Variants in FSTL5 observed in about 807,000 individuals in gnomAD.
FSTL5 encodes follistatin-related protein 5.
Under a neutral mutation model 89.1 loss-of-function variants are expected in FSTL5, and 62 were observed. The ratio of observed to expected loss-of-function variants is 0.70; its 90% CI spans 0.57 to 0.86. The LOEUF (loss-of-function observed/expected upper bound fraction) is 0.86. Among genes scored for constraint, FSTL5 ranks in the 40% least tolerant of loss-of-function variants. The pLI is 0.00. For synonymous variants in FSTL5, 383 were observed against 346.2 expected (o/e 1.11, Z -1.18); for missense variants, 1,057 against 1,001.6 (o/e 1.06, Z -0.75).
At position 161,472,125 on chromosome 4, in the gene FSTL5, G is replaced by C. The variant is rs569594285; in HGVS notation, c.1608+8895C>G. Among the ~76,000 whole-genome samples, 22 of 151,816 alleles carry C rather than the reference G, an allele frequency of 1.4e-4. No individual in the cohort carries two copies. The South Asian group carries it at 3.3e-3, about 23-fold the overall frequency. On this transcript the variant is annotated intron_variant, in intron 13 of 15. Coordinates refer to ENST00000306100, the MANE Select transcript of FSTL5 (RefSeq NM_020116.5). The stretch of plus-strand genomic sequence containing the variant: ...CAGAGTAGCTGGGACTACAGGTGCT[G>C]GCCACCACGCCCGGCTAATTTTTTT...
intron 8 of FSTL5, among the ~76,000 whole-genome samples, chr4:161,585,040 C>T (rs1473475995): frequency 1.3e-5 from 2 of 152,082 alleles, no homozygotes; most frequent in Admixed American, 1.3e-4. Context: ...TTTCTGAGAC[C>T]TCATTATTTC....
intron 15 of FSTL5, among the ~76,000 whole-genome samples, chr4:161,397,286 A>G (rs972709088): frequency 6.6e-6 from 1 of 152,014 alleles, no homozygotes; most frequent in African/African-American, 2.4e-5. Context: ...GCACATACAT[A>G]CTACACTCCA....
intron 6 of FSTL5, among the ~76,000 whole-genome samples, chr4:161,669,404 T>A (rs1269677783): frequency 6.6e-6 from 1 of 152,010 alleles, no homozygotes; most frequent in African/African-American, 2.4e-5. Flanking sequence ...GCTACAAAGC[T>A]ACAATAATCA....
chr4:161,472,829 AT>A (rs1327130274), intron 13 of FSTL5, among the ~76,000 whole-genome samples: 2 of 151,952 alleles, frequency 1.3e-5, no homozygotes, highest in African/African-American at 4.8e-5. Context: ...GGTTCAAGCA[AT>A]TCTCCTGCCT....
intron 7 of FSTL5, among the ~76,000 whole-genome samples, chr4:161,604,758 C>A (rs1350175531): frequency 2.6e-5 from 4 of 152,102 alleles, no homozygotes; most frequent in East Asian, 3.9e-4. Context: ...CTGTAAACTG[C>A]TTTTTATCAA....
chr4:161,526,661 A>C (rs984500751), intron 10 of FSTL5, among the ~76,000 whole-genome samples: 1 of 152,194 alleles, frequency 6.6e-6, no homozygotes, highest in Admixed American at 6.5e-5. Context: ...AGCTTTCTAC[A>C]TATGGCTAGC....
intron 14 of FSTL5, 126 bp downstream of exon 14, chr4:161,459,086 C>T (rs113750744): frequency 7.8e-6 from 5 of 642,704 alleles, no homozygotes; most frequent in Non-Finnish European, 1.3e-5. Context: ...CTGTGCCTAT[C>T]TAGTTATGAT....
intron 15 of FSTL5, among the ~76,000 whole-genome samples, chr4:161,429,071 C>T (rs571631040): frequency 1.3e-5 from 2 of 152,024 alleles, no homozygotes; most frequent in Admixed American, 6.6e-5. Flanking sequence ...TTGAGTGTAG[C>T]CAGGCAGTGC....
intron 6 of FSTL5, among the ~76,000 whole-genome samples, chr4:161,730,982 A>G (rs72977137): frequency 0.024 from 3,682 of 152,310 alleles, 105 homozygotes; most frequent in South Asian, 0.061. Context: ...ATAAATATAA[A>G]TCTATAAATT....
intron 2 of FSTL5, among the ~76,000 whole-genome samples, chr4:162,047,097 C>T (rs932508736): frequency 6.6e-6 from 1 of 151,978 alleles, no homozygotes; most frequent in African/African-American, 2.4e-5. Flanking sequence ...CCCAGGTAAG[C>T]CCAAACTAAC....
intron 6 of FSTL5, among the ~76,000 whole-genome samples, chr4:161,757,309 G>C (rs899939663): frequency 6.6e-6 from 1 of 151,806 alleles, no homozygotes; most frequent in African/African-American, 2.4e-5. Context: ...TGTAGGCTTT[G>C]TAAATAACAC....
chr4:162,095,295 G>T (rs1730707218), intron 2 of FSTL5, among the ~76,000 whole-genome samples: 1 of 152,062 alleles, frequency 6.6e-6, no homozygotes, highest in Non-Finnish European at 1.5e-5. Context: ...ATATAAGAAG[G>T]TGTTCAAAAA....
At chr4:161,462,544 A>T (rs1733617639) in intron 13 of FSTL5, among the ~76,000 whole-genome samples, 1 of 152,210 alleles carries the variant, frequency 6.6e-6, no homozygotes, top group Admixed American at 6.5e-5. Context: ...CAATAATAAT[A>T]GTACCTTGGG....
rs576017075 is a variant in FSTL5 at position 161,910,494 on chromosome 4, C to T, written c.409+9910G>A. Among the ~76,000 whole-genome samples, 5 of 152,250 alleles carry T rather than the reference C, an allele frequency of 3.3e-5. No individual in the cohort carries two copies. The South Asian group carries it at 6.2e-4, about 19-fold the overall frequency. On this transcript the variant is annotated intron_variant, in intron 4 of 15. Transcript: ENST00000306100. ...ATCACTATATACCTGTATATATACT[C>T]TCCTTGCATACATTAACAAGGAGAT... is the stretch of plus-strand genomic sequence containing the variant.
intron 15 of FSTL5, among the ~76,000 whole-genome samples, chr4:161,393,219 C>T (rs186578878): frequency 1.6e-4 from 24 of 151,616 alleles, no homozygotes; most frequent in East Asian, 1.9e-4. Context: ...AAAAATATTA[C>T]CAATGTGTTC....
chr4:161,737,580 A>G (rs1195845464), intron 6 of FSTL5, among the ~76,000 whole-genome samples: 1 of 152,082 alleles, frequency 6.6e-6, no homozygotes, highest in Non-Finnish European at 1.5e-5. Context: ...CCAGTTGAGC[A>G]CAAGTATGAA....
At chr4:162,005,461 G>T (rs913340828) in intron 3 of FSTL5, among the ~76,000 whole-genome samples, 1 of 152,070 alleles carries the variant, frequency 6.6e-6, no homozygotes, top group Non-Finnish European at 1.5e-5. Context: ...ATAGATGGTG[G>T]TAAAGAAAAC....
intron 2 of FSTL5, among the ~76,000 whole-genome samples, chr4:162,043,764 T>C (rs1007724861): frequency 6.6e-6 from 1 of 152,210 alleles, no homozygotes; most frequent in Non-Finnish European, 1.5e-5. Flanking sequence ...CCCTTTGTTG[T>C]CATTTCAACA....
chr4:161,777,712 T>C (rs972577334), intron 4 of FSTL5, among the ~76,000 whole-genome samples: 4 of 152,174 alleles, frequency 2.6e-5, no homozygotes, highest in Admixed American at 1.3e-4. Context: ...GACTGTGTTA[T>C]AGATATTTAG....
Sources: gnomAD v4.1 joint callset for allele counts (sites outside exome capture counted in the v4.1 genomes callset) on GRCh38, gnomAD v4.1.1 for gene constraint, MANE v1.5 for transcripts, NCBI Gene and HGNC (gene_info 2026-07-23, HGNC 2026-07-21) for gene names.